NRXN1: variants seen among roughly 807,000 people sequenced by gnomAD.
The protein encoded by NRXN1 is neurexin-1.
Under a neutral mutation model 150.9 loss-of-function variants are expected in NRXN1, and 39 were observed. The observed-to-expected ratio is 0.26, with a 90% CI of 0.20 to 0.34. The LOEUF is 0.34. NRXN1 is among the 10% of genes least tolerant of loss of function. The pLI, the probability that NRXN1 is intolerant of heterozygous loss-of-function variation, is 1.00. For missense variants in NRXN1, 1,815 were observed against 1,949.9 expected (o/e 0.93, Z 1.30); for synonymous variants, 924 against 757.0 (o/e 1.22, Z -3.62).
intron 5 of NRXN1, among the ~76,000 whole-genome samples, chr2:50,685,982 T>C (rs1559122798): frequency 6.6e-6 from 1 of 152,060 alleles, no homozygotes; most frequent in Non-Finnish European, 1.5e-5. Context: ...CTAGACAGGC[T>C]TTCTCTAAAG....
At chr2:50,689,506 C>T (rs1559127314) in intron 5 of NRXN1, among the ~76,000 whole-genome samples, 2 of 152,174 alleles carry the variant, frequency 1.3e-5, no homozygotes, top group African/African-American at 4.8e-5. Context: ...AAAGACCCAG[C>T]TCAAAGTTAC....
intron 5 of NRXN1, among the ~76,000 whole-genome samples, chr2:50,759,621 A>C (rs1267908594): frequency 2.0e-5 from 3 of 151,930 alleles, no homozygotes; most frequent in African/African-American, 7.2e-5. Context: ...ATAAGTTATT[A>C]AAGGGCTGAT....
At chr2:50,853,042 C>T (rs1020689102) in intron 5 of NRXN1, among the ~76,000 whole-genome samples, 25 of 152,154 alleles carry the variant, frequency 1.6e-4, no homozygotes, top group Non-Finnish European at 5.9e-5. Context: ...CCTTAATTCA[C>T]TCTCAGTGTC....
Position 50,053,412 on chromosome 2 carries a change from T to C in NRXN1, c.3987A>G (p.Glu1329=), listed in dbSNP as rs751011731. ...AIVGNVRLVG[E]VPSSMTTEST... is the part of the protein sequence containing the mutation. ...ACTCAGTTGTCATAGAGGAAGGCACTTCACCAACCAGTCTCACATTTCCCA... is the reference window on the plus strand; with the variant it reads ...ACTCAGTTGTCATAGAGGAAGGCACCTCACCAACCAGTCTCACATTTCCCA... The change falls in exon 21 of 23, where the codon GAA becomes GAG. Residue 1329 remains glutamate, a synonymous_variant. Transcript: ENST00000401669. 1 of 1,613,996 alleles carries C rather than the reference T, an allele frequency of 6.2e-7. No homozygotes were observed. Among genetic ancestry groups the C allele is most frequent in the Non-Finnish European group, 8.5e-7 (1 of 1,179,922 alleles).
At chr2:50,924,685 A>G (rs573438086) in intron 3 of NRXN1, among the ~76,000 whole-genome samples, 1 of 151,890 alleles carries the variant, frequency 6.6e-6, no homozygotes, top group East Asian at 1.9e-4. Context: ...GAAGCCATAT[A>G]TGGATACAAC....
chr2:49,939,616 G>C (rs965589057), intron 22 of NRXN1, among the ~76,000 whole-genome samples: 1 of 152,150 alleles, frequency 6.6e-6, no homozygotes, highest in African/African-American at 2.4e-5. Flanking sequence ...TTCCCATCAG[G>C]AGGCCTGAGT....
intron 17 of NRXN1, among the ~76,000 whole-genome samples, chr2:50,383,331 T>C (rs746988107): frequency 6.6e-6 from 1 of 152,048 alleles, no homozygotes; most frequent in Non-Finnish European, 1.5e-5. Flanking sequence ...CATCATCAGT[T>C]AGCGTAGGAG....
chr2:51,014,693 G>A (rs1013609279), intron 2 of NRXN1, among the ~76,000 whole-genome samples: 2 of 151,958 alleles, frequency 1.3e-5, no homozygotes, highest in Non-Finnish European at 1.5e-5. Flanking sequence ...TCAAATGTCA[G>A]GTTTGTGAAT....
intron 5 of NRXN1, among the ~76,000 whole-genome samples, chr2:50,898,936 T>C (rs1682461642): frequency 1.3e-5 from 2 of 151,744 alleles, no homozygotes; most frequent in Non-Finnish European, 2.9e-5. Flanking sequence ...TTCAGGATTC[T>C]TGCCGACAGA....
intron 5 of NRXN1, among the ~76,000 whole-genome samples, chr2:50,809,797 T>C (rs1333360377): frequency 1.3e-5 from 2 of 152,190 alleles, no homozygotes. Context: ...AACTGTCAGA[T>C]GGCAATGGTT....
chr2:50,310,824 A>G (rs541132112), intron 17 of NRXN1, among the ~76,000 whole-genome samples: 4 of 152,166 alleles, frequency 2.6e-5, no homozygotes, highest in Non-Finnish European at 4.4e-5. Flanking sequence ...CGAGATTAAC[A>G]CAGCAGACAG....
At chr2:49,968,420 T>G (rs868665227) in intron 21 of NRXN1, among the ~76,000 whole-genome samples, 2 of 152,114 alleles carry the variant, frequency 1.3e-5, no homozygotes, top group Admixed American at 6.6e-5. Flanking sequence ...TCATAAAGCA[T>G]GAAACCGGCT....
At chr2:50,374,314 T>TAAATAAAC (rs2080327015) in intron 17 of NRXN1, among the ~76,000 whole-genome samples, 1 of 149,720 alleles carries the variant, frequency 6.7e-6, no homozygotes, top group East Asian at 2.0e-4. Context: ...AATAAATAAA[T>TAAATAAAC]AAATAAATAA....
intron 17 of NRXN1, among the ~76,000 whole-genome samples, chr2:50,239,014 A>ATTTT (rs1407409268): frequency 6.6e-6 from 1 of 152,016 alleles, no homozygotes; most frequent in Non-Finnish European, 1.5e-5. Context: ...CAGTGCACAA[A>ATTTT]GAAAATTCAG....
In NRXN1 at chr2:50,998,256, C is replaced by G. The variant is rs1414558284; in HGVS notation, c.772+29246G>C. ...ACTGATATGTTAAAAAAATTACTCA[C>G]AAAACACATGCATACAGAATATAGT... is the stretch of plus-strand genomic sequence containing the variant. On this transcript the variant is annotated intron_variant, in intron 2 of 22. Transcript: ENST00000401669. 1.4e-5 allele frequency among the ~76,000 whole-genome samples: 2 copies of G among 141,566 alleles called. 1 individual carries two copies. Among genetic ancestry groups the G allele is most frequent in the African/African-American group, 5.9e-5 (2 of 33,720 alleles). 92.9% of individuals were successfully genotyped at this position (141,566 alleles called of 152,430 possible). A position where few individuals can be genotyped will look rare whatever the true frequency, so the allele number is the denominator to read the frequency against.
chr2:50,799,093 A>C (rs1044631587), intron 5 of NRXN1, among the ~76,000 whole-genome samples: 1 of 152,196 alleles, frequency 6.6e-6, no homozygotes, highest in Non-Finnish European at 1.5e-5. Flanking sequence ...TCTACCATCT[A>C]TCTCAGTATC....
At chr2:51,000,644 T>G (rs1699913022) in intron 2 of NRXN1, among the ~76,000 whole-genome samples, 1 of 151,892 alleles carries the variant, frequency 6.6e-6, no homozygotes. Context: ...AGCAGAGGAT[T>G]TAAAAAGTGA....
At chr2:50,162,641 T>C (rs902642523) in intron 18 of NRXN1, among the ~76,000 whole-genome samples, 1 of 152,150 alleles carries the variant, frequency 6.6e-6, no homozygotes, top group South Asian at 2.1e-4. Flanking sequence ...CAAATGTATA[T>C]TACACACACA....
chr2:50,481,730 T>A (rs2090469900), intron 15 of NRXN1, among the ~76,000 whole-genome samples: 1 of 150,478 alleles, frequency 6.6e-6, no homozygotes, highest in Non-Finnish European at 1.5e-5. Flanking sequence ...ACAGAACATA[T>A]AATTCTTTCA....
Sources: allele counts gnomAD v4.1 joint callset (sites outside exome capture counted in the v4.1 genomes callset), GRCh38; gene constraint gnomAD v4.1.1; transcripts MANE v1.5; gene names NCBI Gene and HGNC (gene_info 2026-07-23, HGNC 2026-07-21).